RBFOX3: variants seen among roughly 807,000 people sequenced by gnomAD.
The protein encoded by RBFOX3 is RNA binding fox-1 homolog 3, also known as RNA binding protein fox-1 homolog 3.
Under a neutral mutation model 48.7 loss-of-function variants are expected in RBFOX3, and 17 were observed. The observed-to-expected ratio is 0.35, with a 90% CI of 0.24 to 0.52. RBFOX3 has a LOEUF of 0.52. RBFOX3 is among the 20% of genes least tolerant of loss of function. The probability of loss-of-function intolerance (pLI) is 0.94; values close to 1 mark genes in which losing one functional copy is unlikely to be tolerated. For synonymous variants in RBFOX3, 212 were observed against 209.5 expected (o/e 1.01, Z -0.10); for missense variants, 382 against 497.5 (o/e 0.77, Z 2.21).
chr17:79,240,912 C>T (rs1278262880), intron 3 of RBFOX3, among the ~76,000 whole-genome samples: 2 of 152,148 alleles, frequency 1.3e-5, no homozygotes, highest in Non-Finnish European at 2.9e-5. Context: ...GATCCACCCA[C>T]CTCGGCCTCC....
chr17:79,290,309 G>C (rs2072990684), intron 3 of RBFOX3, among the ~76,000 whole-genome samples: 1 of 152,170 alleles, frequency 6.6e-6, no homozygotes. Flanking sequence ...AGGAATGCAG[G>C]CTCTGGGGTG....
At chr17:79,490,274 A>G (rs2080297043) in intron 1 of RBFOX3, among the ~76,000 whole-genome samples, 1 of 152,226 alleles carries the variant, frequency 6.6e-6, no homozygotes, top group Non-Finnish European at 1.5e-5. Context: ...TATTCAACGT[A>G]TCCAACGGGA....
chr17:79,306,947 G>A (rs2076185938), intron 3 of RBFOX3, among the ~76,000 whole-genome samples: 1 of 152,214 alleles, frequency 6.6e-6, no homozygotes, highest in Non-Finnish European at 1.5e-5. Context: ...TGGAGAGTCT[G>A]GCCCCAGGCC....
At chr17:79,507,174 G>T (rs895230111) in intron 1 of RBFOX3, among the ~76,000 whole-genome samples, 5 of 152,240 alleles carry the variant, frequency 3.3e-5, no homozygotes, top group African/African-American at 1.2e-4. Context: ...CAGACCAAGC[G>T]GTGCTCCATC....
rs971414741 is a variant in RBFOX3 at position 79,579,043 on chromosome 17, A to G, written c.-320+31783T>C. Among the ~76,000 whole-genome samples, 126 of 152,208 alleles carry G rather than the reference A, an allele frequency of 8.3e-4. 4 individuals are homozygous for G. The South Asian group carries it at 0.019, about 22-fold the overall frequency. On this transcript the variant is annotated intron_variant, in intron 1 of 14. Coordinates refer to ENST00000693108, the MANE Select transcript of RBFOX3 (RefSeq NM_001350451.2). The stretch of plus-strand genomic sequence containing the variant: ...GAGCATCGTGCTTGGTCCATCTCCC[A>G]TGCGTCTCCGTCGCGTTCCCTCTTC...
At chr17:79,258,943 C>T (rs2065298776) in intron 3 of RBFOX3, among the ~76,000 whole-genome samples, 2 of 152,278 alleles carry the variant, frequency 1.3e-5, no homozygotes. Flanking sequence ...GGCCCCAAAG[C>T]TGCCCTGCTT....
upstream of RBFOX3, among the ~76,000 whole-genome samples, chr17:79,614,061 C>T (rs1474863779): frequency 2.0e-5 from 3 of 152,226 alleles, no homozygotes; most frequent in Non-Finnish European, 1.5e-5. Context: ...CTGTGGGCAG[C>T]GGGGAGGCAC....
intron 2 of RBFOX3, among the ~76,000 whole-genome samples, chr17:79,360,342 G>T (rs375510920): frequency 2.0e-5 from 3 of 152,300 alleles, no homozygotes; most frequent in African/African-American, 4.8e-5. Flanking sequence ...CAAGGAACCT[G>T]CAGGGAACCC....
the RBFOX3 span, among the ~76,000 whole-genome samples, chr17:79,645,868 G>T: frequency 6.6e-6 from 1 of 152,044 alleles, no homozygotes; most frequent in South Asian, 2.1e-4. Context: ...CCATGGAGGG[G>T]CCCAGAACCA....
chr17:79,630,176 G>A, the RBFOX3 span, among the ~76,000 whole-genome samples: 781 of 152,324 alleles, frequency 5.1e-3, 9 homozygotes, highest in African/African-American at 0.018. Context: ...CCTGATGAAC[G>A]TGGGGGTCCG....
intron 2 of RBFOX3, among the ~76,000 whole-genome samples, chr17:79,379,458 C>T (rs1039966190): frequency 6.6e-6 from 1 of 152,192 alleles, no homozygotes. Flanking sequence ...GGGAGACACA[C>T]ACTTGTCTCC....
the RBFOX3 span, among the ~76,000 whole-genome samples, chr17:79,623,796 T>C: frequency 6.9e-6 from 1 of 145,906 alleles, no homozygotes; most frequent in East Asian, 2.0e-4. Flanking sequence ...CACTCCAGCC[T>C]GAGCAACAAG....
chr17:79,331,699 A>G (rs1568056500), intron 2 of RBFOX3, among the ~76,000 whole-genome samples: 1 of 152,196 alleles, frequency 6.6e-6, no homozygotes, highest in Non-Finnish European at 1.5e-5. Flanking sequence ...CAAGTAATTG[A>G]CACCGCAAGG....
intron 1 of RBFOX3, among the ~76,000 whole-genome samples, chr17:79,540,441 C>T (rs1555789917): frequency 6.6e-6 from 1 of 152,238 alleles, no homozygotes; most frequent in Non-Finnish European, 1.5e-5. Flanking sequence ...CCTTAAGGTG[C>T]ATGGCGTCCA....
At chr17:79,575,007 G>A (rs2092809641) in intron 1 of RBFOX3, among the ~76,000 whole-genome samples, 2 of 152,200 alleles carry the variant, frequency 1.3e-5, no homozygotes, top group African/African-American at 4.8e-5. Flanking sequence ...TGGCACAGTG[G>A]TTCCCAACTT....
At chr17:79,446,370 G>T (rs1257790713) in intron 2 of RBFOX3, among the ~76,000 whole-genome samples, 1 of 152,188 alleles carries the variant, frequency 6.6e-6, no homozygotes, top group African/African-American at 2.4e-5. Context: ...CCTCAGGGCT[G>T]GGAGGAGAGG....
chr17:79,624,715 C>T, the RBFOX3 span, among the ~76,000 whole-genome samples: 6 of 152,258 alleles, frequency 3.9e-5, no homozygotes, highest in African/African-American at 9.6e-5. Context: ...AGGGCCCTGC[C>T]GACCCTCCAC....
chr17:79,182,286 G>A (rs961672584), intron 4 of RBFOX3, among the ~76,000 whole-genome samples: 1 of 152,198 alleles, frequency 6.6e-6, no homozygotes, highest in Non-Finnish European at 1.5e-5. Flanking sequence ...CCAAGCAGAG[G>A]GTGAGGGTGG....
At chr17:79,338,033 G>T (rs1487632307) in intron 2 of RBFOX3, among the ~76,000 whole-genome samples, 1 of 151,788 alleles carries the variant, frequency 6.6e-6, no homozygotes, top group Non-Finnish European at 1.5e-5. Context: ...CTGCCTCCTG[G>T]GCTCAAGTGA....
Sources: allele counts gnomAD v4.1 joint callset (sites outside exome capture counted in the v4.1 genomes callset), GRCh38; gene constraint gnomAD v4.1.1; transcripts MANE v1.5; gene names NCBI Gene and HGNC (gene_info 2026-07-23, HGNC 2026-07-21).